Variants in NOTUM observed in about 807,000 individuals in gnomAD.
NOTUM encodes the protein notum, palmitoleoyl-protein carboxylesterase, also known as palmitoleoyl-protein carboxylesterase NOTUM.
In NOTUM, 36 loss-of-function variants were observed where a neutral mutation model predicts 65.5. The observed-to-expected ratio is 0.55, with a 90% CI of 0.42 to 0.73. NOTUM has a LOEUF of 0.73. Among genes scored for constraint, NOTUM ranks in the 30% least tolerant of loss-of-function variants. The probability of loss-of-function intolerance (pLI) is 0.00; values close to 1 mark genes in which losing one functional copy is unlikely to be tolerated. For missense variants in NOTUM, 659 were observed against 694.2 expected (o/e 0.95, Z 0.57); for synonymous variants, 356 against 297.9 (o/e 1.20, Z -2.01).
chr17:81,954,444 TCCC>T, intron 9 of NOTUM, 141 bp from the exon 10 acceptor site: 1 of 616,010 alleles, frequency 1.6e-6, no homozygotes, highest in Non-Finnish European at 2.9e-6. Flanking sequence ...GGCCCGGGCC[TCCC>T]CCTAGTTGGC....
At chr17:81,959,928 T>G in intron 1 of NOTUM, 1 of 178,278 alleles carries the variant, frequency 5.6e-6, no homozygotes, top group Non-Finnish European at 1.2e-5. Flanking sequence ...AATCCCCACG[T>G]TCCGCCCGGC....
At chr17:81,958,438 G>C (rs370102596) in intron 4 of NOTUM, 45 bp from the exon 5 acceptor site, 1 of 1,405,710 alleles carries the variant, frequency 7.1e-7, no homozygotes, top group South Asian at 1.2e-5. Flanking sequence ...CCTGCCGCCC[G>C]GCAGCCTCCA....
In NOTUM at chr17:81,954,307, T is replaced by C; in HGVS notation, c.1137-4A>G. On this transcript the variant is annotated splice_region_variant and splice_polypyrimidine_tract_variant and intron_variant, in intron 9 of 10. Coordinates refer to ENST00000409678, the MANE Select transcript of NOTUM (RefSeq NM_178493.6). ...GCAGGCGGGGGCAAAGCTGGCCCTGTTGGAGAGGAGACAGTGGCTTGTGAG... is the reference window on the plus strand; with the variant it reads ...GCAGGCGGGGGCAAAGCTGGCCCTGCTGGAGAGGAGACAGTGGCTTGTGAG... 1 of 1,611,666 alleles carries C rather than the reference T, an allele frequency of 6.2e-7. No homozygotes were observed. Among genetic ancestry groups the C allele is most frequent in the Non-Finnish European group, 8.5e-7 (1 of 1,177,860 alleles).
Position 81,960,642 on chromosome 17 carries a change from G to A in NOTUM, c.268C>T (p.Arg90Cys). ...CSAQQLNEDL[R>C]LHLLLNTSVT... ...GAGGTGTTGAGTAGGAGGTGCAGGCGCAGGTCCTCGTTGAGCTGCTGCGCG... is the reference window on the plus strand; with the variant it reads ...GAGGTGTTGAGTAGGAGGTGCAGGCACAGGTCCTCGTTGAGCTGCTGCGCG... Residue 90 changes from arginine (R) to cysteine (C), a missense_variant, in exon 1 of 11, where the codon CGC (arginine) becomes TGC (cysteine). Arg to Cys is a radical substitution (Grantham distance 180). Coordinates refer to ENST00000409678, the MANE Select transcript of NOTUM (RefSeq NM_178493.6). The surrounding 1 kb of genome is among the most constrained non-coding windows in gnomAD (Gnocchi z 6.4). The A allele has an allele frequency of 6.4e-7, 1 of 1,564,454 alleles. No homozygotes were observed. Among genetic ancestry groups the A allele is most frequent in the Non-Finnish European group, 8.7e-7 (1 of 1,152,394 alleles).
chr17:81,956,312 G>A (rs1362305659), intron 8 of NOTUM, among the ~76,000 whole-genome samples: 2 of 152,282 alleles, frequency 1.3e-5, no homozygotes, highest in Non-Finnish European at 2.9e-5. Flanking sequence ...GCATGGGGAT[G>A]AGCTCCAAAG....
intron 10 of NOTUM, among the ~76,000 whole-genome samples, chr17:81,953,737 G>A (rs1011816101): frequency 6.6e-6 from 1 of 151,670 alleles, no homozygotes; most frequent in Admixed American, 6.6e-5. Flanking sequence ...CTGAGTAGCT[G>A]GGATTACAGG....
Position 81,955,521 on chromosome 17 carries a change from G to A in NOTUM, c.1012C>T (p.Leu338=). 6.2e-7 allele frequency: 1 copy of A among 1,611,414 alleles called. No homozygotes were observed. Residue 338 remains leucine (L), a synonymous_variant, in exon 9 of 11, where the codon CTG becomes TTG. Transcript: ENST00000409678. ...LRCPVFVVQW[L]FDEAQLTVDN... is the part of the protein sequence containing the mutation. ...ACCGTCAGCTGTGCCTCGTCAAACA[G>A]CCACTGCACCACGAACACAGGGCCT...
In NOTUM at chr17:81,953,311, C is replaced by T. The variant is rs200448978; in HGVS notation, c.1185-44G>A. On this transcript the variant is annotated intron_variant, in intron 10 of 10. Transcript: ENST00000409678. The stretch of plus-strand genomic sequence containing the variant: ...GGAGGGGGTCACATGTGCGGAGTGG[C>T]ATCAACACTGAGGCAGCTGTTTTTT... 229 of 1,330,662 alleles carry T rather than the reference C, an allele frequency of 1.7e-4. 2 individuals are homozygous for T. The highest frequency in any genetic ancestry group is 2.1e-5 in the Non-Finnish European group (20 of 952,098). 82.4% of individuals were successfully genotyped at this position (1,330,662 alleles called of 1,614,324 possible). A position where few individuals can be genotyped will look rare whatever the true frequency, so the allele number is the denominator to read the frequency against.
intron 10 of NOTUM, among the ~76,000 whole-genome samples, chr17:81,953,834 T>A (rs1024915292): frequency 6.8e-6 from 1 of 147,956 alleles, no homozygotes; most frequent in African/African-American, 2.5e-5. Context: ...CAGGATGGAG[T>A]GCAATGTTGC....
intron 10 of NOTUM, among the ~76,000 whole-genome samples, chr17:81,953,997 C>T (rs906079103): frequency 2.0e-5 from 3 of 151,788 alleles, no homozygotes; most frequent in Non-Finnish European, 2.9e-5. Flanking sequence ...AGGCTGGTGT[C>T]GAACTCCTGA....
In NOTUM at chr17:81,959,530, G is replaced by A. The variant is rs766886484; in HGVS notation, c.413C>T (p.Ser138Phe). The A allele has an allele frequency of 1.3e-6, 2 of 1,549,256 alleles. No homozygotes were observed. Among genetic ancestry groups the A allele is most frequent in the South Asian group, 1.2e-5 (1 of 84,026 alleles). ...GAGGCGCCGCATGGTGTCGTATCTG[G>A]AGTCGCAGTTCTCGCGGTTGAAGCA... Reference protein sequence around the residue: ...WYCFNRENCDSRYDTMRRLMS... With the variant: ...WYCFNRENCDFRYDTMRRLMS... Residue 138 changes from serine to phenylalanine, a missense_variant, in exon 3 of 11, where the codon TCC becomes TTC. Physicochemically the swap from Ser to Phe is radical, Grantham distance 155 (BLOSUM62 -2). Transcript: ENST00000409678.
chr17:81,956,907 G>A lies in NOTUM; in HGVS notation c.863C>T (p.Thr288Met), dbSNP rs2041437839. ...DCVDTITCAPTEAIRRGIRYW... is the reference protein window; with the variant it reads ...DCVDTITCAPMEAIRRGIRYW... ...CCTGATGCCACGGCGGATGGCCTCC[G>A]TGGGCGCGCACGTGATCGTGTCGAC... Residue 288 changes from threonine (T) to methionine (M), a missense_variant, in exon 7 of 11, where the codon ACG becomes ATG. By Grantham distance (81) the Thr-to-Met change is moderately conservative. Transcript: ENST00000409678. The A allele has an allele frequency of 1.2e-6, 2 of 1,611,808 alleles. No individual in the cohort carries two copies. The highest frequency in any genetic ancestry group is 1.7e-6 in the Non-Finnish European group (2 of 1,179,724).
At position 81,955,394 on chromosome 17, in the gene NOTUM, C is replaced by CA. The variant is rs2041423933; in HGVS notation, c.1136+2dup. 6.4e-7 allele frequency: 1 copy of CA among 1,569,338 alleles called. No individual in the cohort carries two copies. Among genetic ancestry groups the CA allele is most frequent in the Non-Finnish European group, 8.7e-7 (1 of 1,155,938 alleles). ...GTGGGGCTCCCGGGGCCCACACACTCACGGCACGTCCTTGAGTGTGTGGCG... is the reference window on the plus strand; with the variant it reads ...GTGGGGCTCCCGGGGCCCACACACTCAACGGCACGTCCTTGAGTGTGTGGCG... On this transcript the variant is annotated splice_region_variant and intron_variant, in intron 9 of 10. Transcript: ENST00000409678.
chr17:81,955,582 C>G, intron 8 of NOTUM, 38 bp from the exon 9 acceptor site: 1 of 1,587,720 alleles, frequency 6.3e-7, no homozygotes, highest in Non-Finnish European at 8.6e-7. Context: ...TCCCCTGACC[C>G]CCGCTGCTGC....
At chr17:81,958,248 ATCCCTGCCCTGCCGTCCTGCCTCC>A (rs1327517581) in intron 5 of NOTUM, 63 bp downstream of exon 5, 23 of 894,840 alleles carry the variant, frequency 2.6e-5, no homozygotes, top group African/African-American at 4.9e-5. Flanking sequence ...GTCCCGCCTC[ATCCCTGCCCTGCCGTCCTGCCTCC>A]TCCCTGCCCT....
Position 81,957,061 on chromosome 17 carries a change from C to G in NOTUM, c.709G>C (p.Gly237Arg). 6.2e-7 allele frequency: 1 copy of G among 1,602,934 alleles called. No homozygotes were observed. The highest frequency in any genetic ancestry group is 8.5e-7 in the Non-Finnish European group (1 of 1,178,500). The stretch of plus-strand genomic sequence containing the variant: ...ACACGGTCCACATTCAGGAGCACCC[C>G]GGTGCCCCCCGCGCTGCAAGGAGGG... ...LLAGSSAGGT[G>R]VLLNVDRVAE... Residue 237 changes from glycine to arginine, a missense_variant, in exon 7 of 11, where the codon GGG becomes CGG. Transcript: ENST00000409678.
Position 81,959,499 on chromosome 17 carries a change from G to A in NOTUM, c.444C>T (p.Ser148=), listed in dbSNP as rs2041457934. The A allele has an allele frequency of 6.5e-6, 10 of 1,548,602 alleles. No individual in the cohort carries two copies. The highest frequency in any genetic ancestry group is 8.7e-6 in the Non-Finnish European group (10 of 1,146,526). The change falls in exon 3 of 11, where the codon AGC becomes AGT. Residue 148 remains serine (S), a synonymous_variant. Transcript: ENST00000409678. The part of the protein sequence containing the change: ...SRYDTMRRLM[S]SRDWPRTRTG... Reference sequence around the variant, plus strand: ...TGCGAGTGCGCGGCCAGTCCCGGGAGCTCATGAGGCGCCGCATGGTGTCGT... The same window carrying A: ...TGCGAGTGCGCGGCCAGTCCCGGGAACTCATGAGGCGCCGCATGGTGTCGT...
intron 4 of NOTUM, 113 bp downstream of exon 4, chr17:81,958,822 A>G (rs1260366137): frequency 1.2e-5 from 10 of 801,604 alleles, no homozygotes; most frequent in African/African-American, 3.4e-5. Context: ...AGAACCATCC[A>G]GAACAGGACC....
intron 9 of NOTUM, among the ~76,000 whole-genome samples, chr17:81,955,067 A>C (rs891982250): frequency 4.6e-5 from 7 of 150,938 alleles, no homozygotes; most frequent in Admixed American, 6.6e-5. Context: ...TGCAACCTCC[A>C]CCTCCCAGTT....
Sources: allele counts gnomAD v4.1 joint callset (sites outside exome capture counted in the v4.1 genomes callset), GRCh38; gene constraint gnomAD v4.1.1; non-coding constraint Gnocchi (gnomAD v3.1); transcripts MANE v1.5; gene names NCBI Gene and HGNC (gene_info 2026-07-23, HGNC 2026-07-21).